Variants in AP3S1 observed in about 807,000 individuals in gnomAD.
AP3S1 encodes the protein AP-3 complex subunit sigma-1.
Under a neutral mutation model 21.3 loss-of-function variants are expected in AP3S1, and 12 were observed. The ratio of observed to expected loss-of-function variants is 0.56; its 90% CI spans 0.36 to 0.91. The LOEUF (loss-of-function observed/expected upper bound fraction) is 0.91, where lower values mean the gene tolerates loss of function less well. Among genes scored for constraint, AP3S1 ranks in the 40% least tolerant of loss-of-function variants. The probability of loss-of-function intolerance (pLI) is 0.01; values close to 1 mark genes in which losing one functional copy is unlikely to be tolerated. For synonymous variants in AP3S1, 48 were observed against 78.4 expected (o/e 0.61, Z 2.05); for missense variants, 116 against 225.0 (o/e 0.52, Z 3.10).
At chr5:115,879,679 C>G (rs947450351) in intron 3 of AP3S1, among the ~76,000 whole-genome samples, 17 of 151,388 alleles carry the variant, frequency 1.1e-4, no homozygotes, top group Admixed American at 6.6e-4. Flanking sequence ...TTGTGTCTCT[C>G]TCAGGCTCTG....
chr5:115,907,099 T>G, intron 5 of AP3S1: 1 of 762,298 alleles, frequency 1.3e-6, no homozygotes, highest in South Asian at 5.9e-5. Flanking sequence ...GCCTGCATTG[T>G]AAAAGGAAAG....
intron 1 of AP3S1, chr5:115,842,393 G>A (rs1376559575): frequency 6.2e-6 from 2 of 321,596 alleles, no homozygotes; most frequent in African/African-American, 4.4e-5. Flanking sequence ...ACTTCCCGGG[G>A]CCCGGCCCTC....
chr5:115,899,688 T>A (rs1003540256), intron 4 of AP3S1, among the ~76,000 whole-genome samples: 5 of 152,094 alleles, frequency 3.3e-5, no homozygotes, highest in Non-Finnish European at 2.9e-5. Context: ...AAGAAGGTGA[T>A]CACAATTGAG....
intron 3 of AP3S1, among the ~76,000 whole-genome samples, chr5:115,891,859 G>A (rs961979394): frequency 6.6e-5 from 10 of 152,200 alleles, no homozygotes; most frequent in East Asian, 3.9e-4. Flanking sequence ...GCCCAAGGCC[G>A]TGGGAGCCCA....
chr5:115,860,895 T>G (rs1325028775), intron 1 of AP3S1, among the ~76,000 whole-genome samples: 2 of 152,196 alleles, frequency 1.3e-5, no homozygotes, highest in Non-Finnish European at 2.9e-5. Flanking sequence ...TGCCTTAACT[T>G]TATTGCCTTT....
chr5:115,884,450 A>T (rs1749597612), intron 3 of AP3S1, among the ~76,000 whole-genome samples: 1 of 152,228 alleles, frequency 6.6e-6, no homozygotes. Flanking sequence ...CTGTAATCCC[A>T]GCTACTTGGG....
At chr5:115,867,333 A>G (rs1327542379) in intron 2 of AP3S1, among the ~76,000 whole-genome samples, 1 of 152,178 alleles carries the variant, frequency 6.6e-6, no homozygotes, top group Non-Finnish European at 1.5e-5. Context: ...TTACTGTTAC[A>G]AGACTGAAGT....
chr5:115,847,968 G>A (rs1285329604), intron 1 of AP3S1, among the ~76,000 whole-genome samples: 1 of 152,108 alleles, frequency 6.6e-6, no homozygotes, highest in Admixed American at 6.6e-5. Flanking sequence ...GAGTATGCTG[G>A]AAAACTTGCT....
intron 3 of AP3S1, among the ~76,000 whole-genome samples, chr5:115,875,947 G>C (rs1489551141): frequency 2.0e-5 from 3 of 152,060 alleles, no homozygotes; most frequent in African/African-American, 7.2e-5. Flanking sequence ...TATTTACATT[G>C]CTATTTGTGA....
In AP3S1 at chr5:115,872,305, T is replaced by A. The variant is rs151184249; in HGVS notation, c.273+2177T>A. Reference sequence around the variant, plus strand: ...TCAAAAAAAATAGAAATAAAAACATTGTTAATAAAATAAAAAAGGAGATAA... The same window carrying A: ...TCAAAAAAAATAGAAATAAAAACATAGTTAATAAAATAAAAAAGGAGATAA... On this transcript the variant is annotated intron_variant, in intron 3 of 5. Coordinates refer to ENST00000316788, the MANE Select transcript of AP3S1 (RefSeq NM_001284.4). 5.1e-3 allele frequency among the ~76,000 whole-genome samples: 769 copies of A among 152,056 alleles called. 2 individuals are homozygous for A. Among genetic ancestry groups the A allele is most frequent in the South Asian group, 7.3e-3 (35 of 4,812 alleles).
At chr5:115,849,970 T>A (rs1317416774) in intron 1 of AP3S1, among the ~76,000 whole-genome samples, 2 of 152,122 alleles carry the variant, frequency 1.3e-5, no homozygotes, top group Non-Finnish European at 2.9e-5. Context: ...CAATGAGACC[T>A]GTGATCAAGC....
chr5:115,889,059 T>C (rs1750045299), intron 3 of AP3S1, among the ~76,000 whole-genome samples: 1 of 152,216 alleles, frequency 6.6e-6, no homozygotes, highest in Non-Finnish European at 1.5e-5. Context: ...GTGCTGCCTC[T>C]ATAGGCAACC....
intron 1 of AP3S1, among the ~76,000 whole-genome samples, chr5:115,853,285 A>T (rs1308165256): frequency 6.6e-6 from 1 of 152,178 alleles, no homozygotes; most frequent in African/African-American, 2.4e-5. Context: ...TGAAAGAAAT[A>T]TATATTCAAA....
chr5:115,880,880 C>A (rs957042183), intron 3 of AP3S1, among the ~76,000 whole-genome samples: 1 of 152,086 alleles, frequency 6.6e-6, no homozygotes, highest in African/African-American at 2.4e-5. Flanking sequence ...TCTGGGTGCT[C>A]CTGTGTTGGG....
intron 5 of AP3S1, chr5:115,912,041 C>G (rs1257257883): frequency 6.6e-6 from 1 of 151,898 alleles, no homozygotes; most frequent in Non-Finnish European, 1.5e-5. Flanking sequence ...AATTGATAAT[C>G]CATGGCTTTT....
At chr5:115,886,261 G>C (rs1448629319) in intron 3 of AP3S1, among the ~76,000 whole-genome samples, 4 of 152,046 alleles carry the variant, frequency 2.6e-5, no homozygotes, top group Non-Finnish European at 1.5e-5. Context: ...GAACAACACA[G>C]GTTTGAACTG....
chr5:115,876,047 C>T lies in AP3S1; in HGVS notation c.273+5919C>T, dbSNP rs1038549134. On this transcript the variant is annotated intron_variant, in intron 3 of 5. Coordinates refer to ENST00000316788, the MANE Select transcript of AP3S1 (RefSeq NM_001284.4). Reference sequence around the variant, plus strand: ...GCAGTTCTTTTAGGAGGCATCATGGCGTCAGGTTTAGAGTGTCAGGGTGTT... The same window carrying T: ...GCAGTTCTTTTAGGAGGCATCATGGTGTCAGGTTTAGAGTGTCAGGGTGTT... Among the ~76,000 whole-genome samples, 10 of 152,138 alleles carry T rather than the reference C, an allele frequency of 6.6e-5. No individual in the cohort carries two copies. In the East Asian group the frequency reaches 9.7e-4, roughly 15 times the overall value.
intron 1 of AP3S1, among the ~76,000 whole-genome samples, chr5:115,863,648 T>C (rs2112818386): frequency 6.6e-6 from 1 of 152,202 alleles, no homozygotes; most frequent in East Asian, 1.9e-4. Flanking sequence ...TTTGCACCTT[T>C]TGCAAAATCC....
chr5:115,856,373 T>C (rs1372432766), intron 1 of AP3S1, among the ~76,000 whole-genome samples: 1 of 152,192 alleles, frequency 6.6e-6, no homozygotes, highest in African/African-American at 2.4e-5. Flanking sequence ...CAGTGTGATG[T>C]TTTGATCTAT....
Sources: allele counts gnomAD v4.1 joint callset (sites outside exome capture counted in the v4.1 genomes callset), GRCh38; gene constraint gnomAD v4.1.1; transcripts MANE v1.5; gene names NCBI Gene and HGNC (gene_info 2026-07-23, HGNC 2026-07-21).